Variants in SPATA6 observed in about 807,000 individuals in gnomAD.
SPATA6 encodes spermatogenesis-associated protein 6.
SPATA6 carries 56 observed loss-of-function variants against 65.3 expected under a neutral mutation model. The observed-to-expected ratio is 0.86, with a 90% CI of 0.69 to 1.07. The LOEUF (loss-of-function observed/expected upper bound fraction) is 1.07. Among genes scored for constraint, SPATA6 ranks in the 50% least tolerant of loss-of-function variants. SPATA6 has a pLI of 0.00. For synonymous variants in SPATA6, 199 were observed against 213.2 expected (o/e 0.93, Z 0.58); for missense variants, 590 against 594.8 (o/e 0.99, Z 0.08).
intron 11 of SPATA6, among the ~76,000 whole-genome samples, chr1:48,310,885 G>A (rs773118502): frequency 1.1e-4 from 16 of 151,924 alleles, no homozygotes; most frequent in Non-Finnish European, 2.4e-4. Context: ...ATGTTACCTG[G>A]CCACAATAAC....
At chr1:48,317,823 T>C (rs1471917811) in intron 11 of SPATA6, among the ~76,000 whole-genome samples, 5 of 152,148 alleles carry the variant, frequency 3.3e-5, no homozygotes, top group Non-Finnish European at 5.9e-5. Context: ...TTCTATAAGG[T>C]CTTTATTCCT....
intron 9 of SPATA6, among the ~76,000 whole-genome samples, chr1:48,381,648 CTT>C (rs36045284): frequency 0.01 from 1,130 of 112,350 alleles, 9 homozygotes; most frequent in African/African-American, 0.019. Context: ...TATGGTTTTT[CTT>C]TTTTTTTTTT....
In SPATA6 at chr1:48,298,098, T is replaced by C. The variant is rs1046114277; in HGVS notation, c.*615A>G. ...CACTGATATTTCTAGCTAACTGCTA[T>C]GCATTTTAAGCAACTTACACAGTTC... is the stretch of plus-strand genomic sequence containing the variant. On this transcript the variant is annotated 3_prime_UTR_variant, in exon 13 of 13. Coordinates refer to ENST00000371847, the MANE Select transcript of SPATA6 (RefSeq NM_019073.4). The C allele has an allele frequency of 6.6e-6, 1 of 152,164 alleles. No homozygotes were observed. 9.4% of individuals were successfully genotyped at this position (152,164 alleles called of 1,614,324 possible).
chr1:48,282,889 T>C, the SPATA6 span, among the ~76,000 whole-genome samples: 1 of 152,118 alleles, frequency 6.6e-6, no homozygotes, highest in Non-Finnish European at 1.5e-5. Context: ...CACACATACA[T>C]TTATTGTGGC....
At chr1:48,366,358 C>T (rs1339618425) in intron 9 of SPATA6, among the ~76,000 whole-genome samples, 3 of 152,154 alleles carry the variant, frequency 2.0e-5, no homozygotes, top group Non-Finnish European at 2.9e-5. Flanking sequence ...GGAATAGTTT[C>T]AGAAGGAATG....
intron 8 of SPATA6, among the ~76,000 whole-genome samples, chr1:48,388,625 T>C (rs1177041805): frequency 6.6e-6 from 1 of 151,772 alleles, no homozygotes; most frequent in Non-Finnish European, 1.5e-5. Context: ...AATGAAACTT[T>C]TACGAAGGAG....
Position 48,436,630 on chromosome 1 carries a change from T to C in SPATA6, c.238+14922A>G, listed in dbSNP as rs2282312. 5.6e-6 allele frequency: 9 copies of C among 1,613,990 alleles called. No individual in the cohort carries two copies. In the African/African-American group the frequency reaches 1.1e-4, roughly 19 times the overall value. ...ACAGAGGCATAGGGCTGTGTATGAT[T>C]TCCCACAGTTCAGCACATCAGTGCA... is the stretch of plus-strand genomic sequence containing the variant. On this transcript the variant is annotated intron_variant, in intron 3 of 12. Transcript: ENST00000371847.
chr1:48,379,068 C>G (rs1489056708), intron 9 of SPATA6, among the ~76,000 whole-genome samples: 6 of 151,978 alleles, frequency 3.9e-5, no homozygotes, highest in African/African-American at 1.5e-4. Flanking sequence ...AAAGACATAC[C>G]CAAGACTGGT....
Position 48,296,610 on chromosome 1 carries a change from A to G in SPATA6, c.*2103T>C, listed in dbSNP as rs1644816998. 1 of 152,144 alleles carries G rather than the reference A, an allele frequency of 6.6e-6. No homozygotes were observed. Among genetic ancestry groups the G allele is most frequent in the African/African-American group, 2.4e-5 (1 of 41,424 alleles). 9.4% of individuals were successfully genotyped at this position (152,144 alleles called of 1,614,324 possible). A position where few individuals can be genotyped will look rare whatever the true frequency, so the allele number is the denominator to read the frequency against. ...TCACCAAACAGCAACTCTTAAAAGAATTTTCACTTATTTTTCCATGGAAAA... is the reference window on the plus strand; with the variant it reads ...TCACCAAACAGCAACTCTTAAAAGAGTTTTCACTTATTTTTCCATGGAAAA... On this transcript the variant is annotated 3_prime_UTR_variant, in exon 13 of 13. Coordinates refer to ENST00000371847, the MANE Select transcript of SPATA6 (RefSeq NM_019073.4).
At chr1:48,459,425 A>G (rs1182488422) in intron 1 of SPATA6, among the ~76,000 whole-genome samples, 1 of 152,102 alleles carries the variant, frequency 6.6e-6, no homozygotes, top group Non-Finnish European at 1.5e-5. Context: ...TAAAAGTTTG[A>G]TTTACTAACA....
chr1:48,350,069 C>T (rs1383404849), intron 11 of SPATA6, among the ~76,000 whole-genome samples: 3 of 151,754 alleles, frequency 2.0e-5, no homozygotes, highest in African/African-American at 4.8e-5. Context: ...GGTATTCCCA[C>T]CAGCATGAAA....
intron 11 of SPATA6, among the ~76,000 whole-genome samples, chr1:48,311,544 G>C (rs143779452): frequency 6.6e-6 from 1 of 152,232 alleles, no homozygotes; most frequent in African/African-American, 2.4e-5. Flanking sequence ...AATAAAGAAA[G>C]AGAGTGAATT....
chr1:48,319,730 C>T (rs1488896778), intron 11 of SPATA6, among the ~76,000 whole-genome samples: 1 of 152,136 alleles, frequency 6.6e-6, no homozygotes, highest in African/African-American at 2.4e-5. Flanking sequence ...CCTGCTCCAA[C>T]ACCTCCAGAC....
chr1:48,448,643 T>C (rs1484508948), intron 3 of SPATA6, among the ~76,000 whole-genome samples: 1 of 152,034 alleles, frequency 6.6e-6, no homozygotes, highest in Admixed American at 6.6e-5. Context: ...CAAATGTCCA[T>C]CAAATAGTCA....
At chr1:48,409,049 A>G (rs1362040013) in intron 5 of SPATA6, among the ~76,000 whole-genome samples, 1 of 152,228 alleles carries the variant, frequency 6.6e-6, no homozygotes, top group Non-Finnish European at 1.5e-5. Context: ...AACTCATTTC[A>G]GCATTAACTC....
chr1:48,365,170 G>T (rs895184435), intron 9 of SPATA6, among the ~76,000 whole-genome samples: 1 of 152,180 alleles, frequency 6.6e-6, no homozygotes, highest in African/African-American at 2.4e-5. Context: ...CTCTGTTTTG[G>T]TAACAGTACC....
intron 11 of SPATA6, among the ~76,000 whole-genome samples, chr1:48,314,321 C>G (rs1430935017): frequency 1.3e-5 from 2 of 152,070 alleles, no homozygotes; most frequent in African/African-American, 4.8e-5. Flanking sequence ...TGTAAAAGAA[C>G]AGAAATTATA....
intron 9 of SPATA6, among the ~76,000 whole-genome samples, chr1:48,376,178 CTGA>C (rs956589776): frequency 2.4e-4 from 36 of 152,256 alleles, no homozygotes; most frequent in African/African-American, 8.4e-4. Context: ...TCCTTTCCAT[CTGA>C]CCTGCTAGAA....
chr1:48,301,431 T>C (rs190294149), intron 12 of SPATA6, among the ~76,000 whole-genome samples: 3 of 152,062 alleles, frequency 2.0e-5, no homozygotes, highest in Admixed American at 2.0e-4. Context: ...AAAATGCCTA[T>C]ACTACCCAAA....
Sources: allele counts gnomAD v4.1 joint callset (sites outside exome capture counted in the v4.1 genomes callset), GRCh38; gene constraint gnomAD v4.1.1; transcripts MANE v1.5; gene names NCBI Gene and HGNC (gene_info 2026-07-23, HGNC 2026-07-21).